Variants in FAAH2 observed in about 807,000 individuals in gnomAD.
FAAH2 encodes the protein fatty acid amide hydrolase 2, also known as fatty-acid amide hydrolase 2.
A neutral mutation model predicts 36.9 loss-of-function variants in FAAH2; 60 were observed. That is an observed-to-expected ratio of 1.63 (90% CI 1.32 to 2.02). FAAH2 has a LOEUF of 2.02. Among genes scored for constraint, FAAH2 ranks in the 30% most tolerant of loss-of-function variants. FAAH2 has a pLI of 0.00. For synonymous variants in FAAH2, 214 were observed against 143.8 expected (o/e 1.49, Z -3.49); for missense variants, 689 against 397.5 (o/e 1.73, Z -6.23).
chrX:57,135,542 G>A, the FAAH2 span: 1 of 421,868 alleles, frequency 2.4e-6, no homozygotes, highest in Non-Finnish European at 3.9e-6. Context: ...TATGATTCTA[G>A]CTGAACTTTA....
the FAAH2 span, among the ~76,000 whole-genome samples, chrX:57,200,695 A>T: frequency 9.0e-6 from 1 of 111,020 alleles, no homozygotes; most frequent in Non-Finnish European, 1.9e-5. Context: ...CCACTGTTTA[A>T]TTTTTTTCAT....
chrX:57,193,245 A>G, the FAAH2 span, among the ~76,000 whole-genome samples: 2 of 111,698 alleles, frequency 1.8e-5, no homozygotes, highest in East Asian at 5.7e-4. Flanking sequence ...TCGAAACTGT[A>G]GGGATGAAAT....
the FAAH2 span, among the ~76,000 whole-genome samples, chrX:57,178,141 G>A: frequency 9.0e-6 from 1 of 111,255 alleles, no homozygotes; most frequent in Non-Finnish European, 1.9e-5. Context: ...GGCCCTGATG[G>A]GGGTGGGAAG....
At chrX:57,150,391 T>G in the FAAH2 span, among the ~76,000 whole-genome samples, 47 of 111,774 alleles carry the variant, frequency 4.2e-4, 1 homozygote, top group Non-Finnish European at 6.6e-4. Flanking sequence ...TTGTGTGGGA[T>G]TCTAAGTCTC....
the FAAH2 span, among the ~76,000 whole-genome samples, chrX:57,229,692 C>A: frequency 9.0e-6 from 1 of 111,123 alleles, no homozygotes; most frequent in Non-Finnish European, 1.9e-5. Flanking sequence ...ATAACTTCTC[C>A]TATATTTTCT....
intron 7 of FAAH2, among the ~76,000 whole-genome samples, chrX:57,426,010 G>T (rs968726106): frequency 8.9e-6 from 1 of 112,054 alleles, no homozygotes; most frequent in African/African-American, 3.2e-5. Context: ...CAGATGTTCT[G>T]TGCAAACAGA....
chrX:57,311,753 C>G (rs776622999), intron 3 of FAAH2, among the ~76,000 whole-genome samples: 1 of 112,131 alleles, frequency 8.9e-6, no homozygotes, highest in Non-Finnish European at 1.9e-5. Flanking sequence ...ACATAACAGC[C>G]CCTGCAGCCC....
chrX:57,420,356 T>G (rs2055982535), intron 7 of FAAH2, among the ~76,000 whole-genome samples: 1 of 111,847 alleles, frequency 8.9e-6, no homozygotes, highest in Non-Finnish European at 1.9e-5. Flanking sequence ...CCATGAGTAT[T>G]GAATGTTCTT....
intron 10 of FAAH2, among the ~76,000 whole-genome samples, chrX:57,479,176 T>C (rs1222108717): frequency 9.0e-6 from 1 of 111,467 alleles, no homozygotes; most frequent in Non-Finnish European, 1.9e-5. Flanking sequence ...AGCAGTGGTT[T>C]GTAGTTCTCC....
At chrX:57,467,900 C>A (rs1034913656) in intron 10 of FAAH2, among the ~76,000 whole-genome samples, 1 of 111,780 alleles carries the variant, frequency 8.9e-6, no homozygotes, top group Admixed American at 9.5e-5. Context: ...TGAGATGAAG[C>A]TTCCAGAGGA....
the FAAH2 span, among the ~76,000 whole-genome samples, chrX:57,175,607 A>T: frequency 9.0e-6 from 1 of 111,364 alleles, no homozygotes; most frequent in African/African-American, 3.3e-5. Context: ...TCCAGTCTTC[A>T]TGTTGACTTT....
In FAAH2 at chrX:57,353,699, A is replaced by G. The variant is rs181228868; in HGVS notation, c.742+12309A>G. Among the ~76,000 whole-genome samples, 3 of 111,047 alleles carry G rather than the reference A, an allele frequency of 2.7e-5. No homozygotes were observed. The East Asian group carries it at 8.5e-4, about 31-fold the overall frequency. ...GTTGAATGGAAGAAAGTATTTGCAA[A>G]TTATTCATTCAACTGAAGACTTATA... On this transcript the variant is annotated intron_variant, in intron 5 of 10. Transcript: ENST00000374900.
the FAAH2 span, among the ~76,000 whole-genome samples, chrX:57,190,813 G>T: frequency 2.7e-5 from 3 of 110,160 alleles, no homozygotes; most frequent in African/African-American, 1.0e-4. Flanking sequence ...GTCTCGCTGG[G>T]AGCTGCAGAC....
chrX:57,403,651 G>T (rs1028598135), intron 7 of FAAH2, among the ~76,000 whole-genome samples: 1 of 112,552 alleles, frequency 8.9e-6, no homozygotes, highest in Non-Finnish European at 1.9e-5. Context: ...AGTGCAAACA[G>T]CTCGCACGTT....
the FAAH2 span, among the ~76,000 whole-genome samples, chrX:57,259,584 T>C: frequency 1.6e-3 from 178 of 111,809 alleles, no homozygotes; most frequent in African/African-American, 5.7e-3. Context: ...GAACCTGAAG[T>C]AATAGAAACA....
intron 9 of FAAH2, among the ~76,000 whole-genome samples, chrX:57,448,263 G>T (rs950291004): frequency 3.2e-4 from 36 of 112,376 alleles, no homozygotes; most frequent in African/African-American, 1.1e-3. Flanking sequence ...GAGCCACCAT[G>T]CTCAGCTATA....
intron 5 of FAAH2, among the ~76,000 whole-genome samples, chrX:57,365,511 G>C (rs1300420395): frequency 8.9e-6 from 1 of 111,750 alleles, no homozygotes; most frequent in African/African-American, 3.3e-5. Context: ...CATTGACCTT[G>C]AAGAATCTGA....
intron 10 of FAAH2, among the ~76,000 whole-genome samples, chrX:57,479,189 G>GAAAT (rs1303236383): frequency 9.0e-6 from 1 of 111,104 alleles, no homozygotes; most frequent in Non-Finnish European, 1.9e-5. Context: ...AGTTCTCCTT[G>GAAAT]AAGAGGTCCT....
At chrX:57,475,477 A>C (rs1453119339) in intron 10 of FAAH2, among the ~76,000 whole-genome samples, 2 of 111,541 alleles carry the variant, frequency 1.8e-5, no homozygotes, top group African/African-American at 3.3e-5. Context: ...TGTTTTTGTC[A>C]GGTTTATTGA....
Sources: gnomAD v4.1 joint callset for allele counts (sites outside exome capture counted in the v4.1 genomes callset) on GRCh38, gnomAD v4.1.1 for gene constraint, MANE v1.5 for transcripts, NCBI Gene and HGNC (gene_info 2026-07-23, HGNC 2026-07-21) for gene names.